Variants in COL24A1 observed in about 807,000 individuals in gnomAD.
COL24A1 encodes the protein collagen alpha-1(XXIV) chain.
COL24A1 carries 224 observed loss-of-function variants against 253.9 expected under a neutral mutation model. That is an observed-to-expected ratio of 0.88 (90% confidence interval 0.79 to 0.99). The LOEUF (loss-of-function observed/expected upper bound fraction) is 0.99. Among genes scored for constraint, COL24A1 ranks in the 50% least tolerant of loss-of-function variants. COL24A1 has a pLI of 0.00. For synonymous variants in COL24A1, 685 were observed against 673.7 expected (o/e 1.02, Z -0.26); for missense variants, 2,131 against 2,068.5 (o/e 1.03, Z -0.59).
rs148493849 is a variant in COL24A1 at position 85,988,940 on chromosome 1, T to A, written c.2311-1286A>T. 2.5e-3 allele frequency among the ~76,000 whole-genome samples: 377 copies of A among 152,300 alleles called. 2 individuals carry two copies. The highest frequency in any genetic ancestry group is 8.8e-3 in the African/African-American group (365 of 41,586). ...GATCACAAGATCAGATTTCTGAATG[T>A]TCTGGAATAGTTTAATACAGATATG... is the stretch of plus-strand genomic sequence containing the variant. On this transcript the variant is annotated intron_variant, in intron 19 of 59. Coordinates refer to ENST00000370571, the MANE Select transcript of COL24A1 (RefSeq NM_152890.7).
intron 5 of COL24A1, among the ~76,000 whole-genome samples, chr1:86,107,162 C>A (rs758877064): frequency 5.3e-5 from 8 of 152,114 alleles, no homozygotes; most frequent in Admixed American, 6.5e-5. Context: ...GGAGAGACAA[C>A]CTAGTGTAAG....
At chr1:85,939,095 A>G (rs1474820813) in intron 24 of COL24A1, among the ~76,000 whole-genome samples, 8 of 152,118 alleles carry the variant, frequency 5.3e-5, no homozygotes, top group Non-Finnish European at 1.2e-4. Context: ...CAATCCATTG[A>G]GGGCCATGGA....
intron 35 of COL24A1, among the ~76,000 whole-genome samples, chr1:85,871,500 G>A (rs948322826): frequency 5.3e-5 from 8 of 152,174 alleles, no homozygotes; most frequent in Non-Finnish European, 8.8e-5. Flanking sequence ...TATCCACCAT[G>A]ATCAAGTGGG....
At chr1:85,971,455 C>G in intron 20 of COL24A1, 62 bp from the exon 21 acceptor site, 1 of 1,331,814 alleles carries the variant, frequency 7.5e-7, no homozygotes, top group South Asian at 1.3e-5. Flanking sequence ...TTTGATAAAT[C>G]AGCATTAATG....
At chr1:85,792,523 T>A (rs1434201027) in intron 47 of COL24A1, among the ~76,000 whole-genome samples, 4 of 128,072 alleles carry the variant, frequency 3.1e-5, no homozygotes, top group Admixed American at 8.1e-5. Context: ...ACCCCATCTC[T>A]AAAAAAAAAA....
At chr1:85,952,405 T>C (rs1459158226) in intron 24 of COL24A1, among the ~76,000 whole-genome samples, 1 of 152,252 alleles carries the variant, frequency 6.6e-6, no homozygotes, top group Non-Finnish European at 1.5e-5. Context: ...TAATTCATTA[T>C]GTTCACACTA....
At chr1:85,784,211 C>A in intron 49 of COL24A1, 45 bp from the exon 50 acceptor site, 26 of 1,610,934 alleles carry the variant, frequency 1.6e-5, no homozygotes, top group Non-Finnish European at 2.2e-5. Flanking sequence ...ACAATGGCAG[C>A]CTGCTCTGTA....
intron 12 of COL24A1, among the ~76,000 whole-genome samples, chr1:86,045,660 G>C (rs973707010): frequency 6.6e-6 from 1 of 152,100 alleles, no homozygotes; most frequent in Non-Finnish European, 1.5e-5. Flanking sequence ...ACTTAAAAAG[G>C]GTGATAATAG....
At chr1:85,847,880 A>AT in intron 38 of COL24A1, 108 bp from the exon 39 acceptor site, 1 of 605,276 alleles carries the variant, frequency 1.7e-6, no homozygotes, top group Non-Finnish European at 2.9e-6. Context: ...GGTTAACAGT[A>AT]TTACAGATCA....
At chr1:86,139,841 C>A (rs540217058) in intron 2 of COL24A1, among the ~76,000 whole-genome samples, 103 of 152,156 alleles carry the variant, frequency 6.8e-4, no homozygotes, top group African/African-American at 2.4e-3. Context: ...CTTTTTCTTG[C>A]CAATTTACTT....
chr1:85,755,810 G>A (rs1666178715), intron 55 of COL24A1, among the ~76,000 whole-genome samples: 1 of 151,262 alleles, frequency 6.6e-6, no homozygotes, highest in Admixed American at 6.6e-5. Flanking sequence ...AAGCAAATAG[G>A]AAAAGCTTGA....
intron 10 of COL24A1, among the ~76,000 whole-genome samples, chr1:86,055,639 A>G (rs1700609616): frequency 6.6e-6 from 1 of 152,176 alleles, no homozygotes; most frequent in African/African-American, 2.4e-5. Flanking sequence ...AAATTCAAAT[A>G]ATAATTATAG....
intron 52 of COL24A1, among the ~76,000 whole-genome samples, chr1:85,776,615 C>T (rs1392996749): frequency 1.3e-5 from 2 of 151,692 alleles, no homozygotes; most frequent in South Asian, 4.2e-4. Context: ...AATAATCTTA[C>T]CTAGTATTTA....
chr1:86,015,072 A>T (rs561482966), intron 19 of COL24A1, among the ~76,000 whole-genome samples: 2 of 152,238 alleles, frequency 1.3e-5, no homozygotes, highest in African/African-American at 4.8e-5. Flanking sequence ...TACCAAATAT[A>T]CTATTTAAAA....
intron 19 of COL24A1, among the ~76,000 whole-genome samples, chr1:86,003,964 T>C (rs1259369405): frequency 6.6e-6 from 1 of 152,162 alleles, no homozygotes; most frequent in Non-Finnish European, 1.5e-5. Context: ...CCAGCCTTCA[T>C]CTTTGGTCAC....
intron 37 of COL24A1, among the ~76,000 whole-genome samples, chr1:85,865,202 T>C (rs1570975304): frequency 1.3e-5 from 2 of 152,268 alleles, no homozygotes; most frequent in East Asian, 3.9e-4. Context: ...CTCTTTCTTA[T>C]TTATTTTGTA....
chr1:85,999,770 C>A (rs55958413), intron 19 of COL24A1, among the ~76,000 whole-genome samples: 60,430 of 151,884 alleles, frequency 0.4, 12,423 homozygotes, highest in East Asian at 0.58. Flanking sequence ...AAAGGATGAA[C>A]ATTTGTGACC....
At chr1:85,945,002 G>GTTTTTTTTTTTTTTTTT (rs1165341082) in intron 24 of COL24A1, among the ~76,000 whole-genome samples, 3 of 35,364 alleles carry the variant, frequency 8.5e-5, no homozygotes, top group African/African-American at 2.4e-4. Context: ...CTATCATTGT[G>GTTTTTTTTTTTTTTTTT]TTTTTTTTTT....
At chr1:85,878,168 A>G (rs559595455) in intron 32 of COL24A1, among the ~76,000 whole-genome samples, 19 of 152,350 alleles carry the variant, frequency 1.2e-4, no homozygotes, top group Non-Finnish European at 2.5e-4. Context: ...ATAACAAAAT[A>G]GTATAAATTA....
Sources: gnomAD v4.1 joint callset for allele counts (sites outside exome capture counted in the v4.1 genomes callset) on GRCh38, gnomAD v4.1.1 for gene constraint, MANE v1.5 for transcripts, NCBI Gene and HGNC (gene_info 2026-07-23, HGNC 2026-07-21) for gene names.